GMIP: variants seen among roughly 807,000 people sequenced by gnomAD.
GMIP encodes the protein GEM interacting protein, also known as GEM-interacting protein.
A neutral mutation model predicts 105.3 loss-of-function variants in GMIP; 54 were observed. That is an observed-to-expected ratio of 0.51 (90% CI 0.41 to 0.64). The LOEUF is 0.64. GMIP is among the 30% of genes least tolerant of loss of function. The pLI is 0.00. For synonymous variants in GMIP, 541 were observed against 560.8 expected (o/e 0.96, Z 0.50); for missense variants, 1,110 against 1,319.4 (o/e 0.84, Z 2.46).
Position 19,630,254 on chromosome 19 carries a change from C to T in GMIP, c.2622G>A (p.Arg874=). The change falls in exon 21 of 21, where the codon CGG becomes CGA. Residue 874 remains arginine (R), a synonymous_variant. Coordinates refer to ENST00000203556, the MANE Select transcript of GMIP (RefSeq NM_016573.4). This position sits in a 1 kb window ranked among gnomAD's most constrained non-coding sequence, Gnocchi z 4.8. ...HFSRQPVKYP[R]GGVRPVTHQL... The stretch of plus-strand genomic sequence containing the variant: ...GGTGGGTTACAGGCCTCACACCGCC[C>T]CGGGGATACTTCACTGGCTGGCGGC... The T allele has an allele frequency of 1.9e-6, 3 of 1,566,838 alleles. No individual in the cohort carries two copies. The highest frequency in any genetic ancestry group is 2.6e-6 in the Non-Finnish European group (3 of 1,154,356).
chr19:19,631,778 G>A (rs927261594), intron 19 of GMIP, among the ~76,000 whole-genome samples: 4 of 148,756 alleles, frequency 2.7e-5, no homozygotes, highest in African/African-American at 1.0e-4. Flanking sequence ...ACAAGGTCAG[G>A]AGATCGAGAC....
Position 19,635,518 on chromosome 19 carries a change from G to T in GMIP, c.1457C>A (p.Thr486Lys). ...GTGGGTCTGAGCCGCGCTGGACAGTGTCCACTTCCCGAAGGGGCTGCCCAG... is the reference window on the plus strand; with the variant it reads ...GTGGGTCTGAGCCGCGCTGGACAGTTTCCACTTCCCGAAGGGGCTGCCCAG... Reference protein sequence around the residue: ...NGLGSPFGKWTLSSAAQTHQL... With the variant: ...NGLGSPFGKWKLSSAAQTHQL... Residue 486 changes from threonine to lysine, a missense_variant, in exon 15 of 21, where the codon ACA becomes AAA. Coordinates refer to ENST00000203556, the MANE Select transcript of GMIP (RefSeq NM_016573.4). The surrounding 1 kb of genome is among the most constrained non-coding windows in gnomAD (Gnocchi z 4.7). 6.2e-7 allele frequency: 1 copy of T among 1,613,326 alleles called. No homozygotes were observed. The highest frequency in any genetic ancestry group is 1.1e-5 in the South Asian group (1 of 91,068).
At position 19,637,621 on chromosome 19, in the gene GMIP, C is replaced by G; in HGVS notation, c.928-60G>C. Reference sequence around the variant, plus strand: ...GAGCCTGGGAGCCTGGGGGCAGGGCCAGAGCTGGGGCGGGGCTTGAGAGAC... The same window carrying G: ...GAGCCTGGGAGCCTGGGGGCAGGGCGAGAGCTGGGGCGGGGCTTGAGAGAC... On this transcript the variant is annotated intron_variant, in intron 10 of 20. Coordinates refer to ENST00000203556, the MANE Select transcript of GMIP (RefSeq NM_016573.4). This position sits in a 1 kb window ranked among gnomAD's most constrained non-coding sequence, Gnocchi z 6.7. 2 of 1,335,552 alleles carry G rather than the reference C, an allele frequency of 1.5e-6. No homozygotes were observed. Among genetic ancestry groups the G allele is most frequent in the Non-Finnish European group, 2.0e-6 (2 of 1,004,034 alleles). 82.7% of individuals were successfully genotyped at this position (1,335,552 alleles called of 1,614,324 possible). A position where few individuals can be genotyped will look rare whatever the true frequency, so the allele number is the denominator to read the frequency against.
chr19:19,638,744 C>T (rs998804217), intron 7 of GMIP, among the ~76,000 whole-genome samples: 4 of 151,760 alleles, frequency 2.6e-5, no homozygotes, highest in Admixed American at 1.3e-4. Flanking sequence ...CAGGCATGTG[C>T]ACTAGGCCTA....
Position 19,634,637 on chromosome 19 carries a change from C to T in GMIP, c.1954G>A (p.Ala652Thr). ...AFISLAKTLH[A>T]DPGDDPGTPS... ...GTCCCAGGGTCGTCCCCAGGGTCTG[C>T]ATGCAAGGTCTTAGCCAGAGAGATG... Residue 652 changes from alanine (A) to threonine (T), a missense_variant, in exon 18 of 21, where the codon GCA (alanine) becomes ACA (threonine). Physicochemically the swap from Ala to Thr is moderately conservative, Grantham distance 58. Transcript: ENST00000203556. The surrounding 1 kb of genome is among the most constrained non-coding windows in gnomAD (Gnocchi z 6.1). The T allele has an allele frequency of 6.2e-7, 1 of 1,613,322 alleles. No homozygotes were observed. Among genetic ancestry groups the T allele is most frequent in the East Asian group, 2.2e-5 (1 of 44,860 alleles).
Position 19,643,578 on chromosome 19 carries a change from G to T in GMIP, c.-49C>A. The T allele has an allele frequency of 6.7e-7, 1 of 1,495,066 alleles. No homozygotes were observed. Among genetic ancestry groups the T allele is most frequent in the Non-Finnish European group, 9.0e-7 (1 of 1,112,776 alleles). The allele number at this position is 1,495,066 out of a possible 1,614,324, so 92.6% of individuals were successfully genotyped here. Reference sequence around the variant, plus strand: ...CAGGGACCGGGATGGGGATGGGGTCGCGCGCCGGCGGGGCCGAGCCCCGAT... The same window carrying T: ...CAGGGACCGGGATGGGGATGGGGTCTCGCGCCGGCGGGGCCGAGCCCCGAT... On this transcript the variant is annotated 5_prime_UTR_variant, in exon 1 of 21. Coordinates refer to ENST00000203556, the MANE Select transcript of GMIP (RefSeq NM_016573.4).
Position 19,637,075 on chromosome 19 carries a change from T to G in GMIP, c.1125-46A>C. On this transcript the variant is annotated intron_variant, in intron 11 of 20. Transcript: ENST00000203556. The surrounding 1 kb of genome is among the most constrained non-coding windows in gnomAD (Gnocchi z 6.7). ...AGGTTTGAATCCCAGGAAACTGGCC[T>G]GGGGTGATGGCACCCAGGCATCATG... The G allele has an allele frequency of 3.9e-6, 5 of 1,282,068 alleles. No homozygotes were observed. The highest frequency in any genetic ancestry group is 5.5e-6 in the Non-Finnish European group (5 of 904,102). 79.4% of individuals were successfully genotyped at this position (1,282,068 alleles called of 1,614,324 possible).
At chr19:19,636,624 T>C in intron 13 of GMIP, 83 bp downstream of exon 13, 1 of 996,750 alleles carries the variant, frequency 1.0e-6, no homozygotes, top group South Asian at 1.3e-5. Flanking sequence ...CAAAGATAGT[T>C]AAAGATTGAG....
rs1252426574 is a variant in GMIP, at chr19:19,640,067, C to T, written c.537+18G>A. 2 of 1,424,726 alleles carry T rather than the reference C, an allele frequency of 1.4e-6. No homozygotes were observed. The highest frequency in any genetic ancestry group is 2.3e-5 in the East Asian group (1 of 43,942). The allele number at this position is 1,424,726 out of a possible 1,614,324, so 88.3% of individuals were successfully genotyped here. A position where few individuals can be genotyped will look rare whatever the true frequency, so the allele number is the denominator to read the frequency against. On this transcript the variant is annotated intron_variant, in intron 7 of 20. Transcript: ENST00000203556. The stretch of plus-strand genomic sequence containing the variant: ...ATAGCAGGGTGACCTCTGTAACATT[C>T]CACCCTGCCCCCCTCACCTGGTAGT...
chr19:19,641,732 G>T (rs2061921041), intron 4 of GMIP, 78 bp downstream of exon 4: 3 of 1,039,042 alleles, frequency 2.9e-6, no homozygotes, highest in Non-Finnish European at 4.4e-6. Flanking sequence ...GCCTTGCATG[G>T]AACAGGGGAT....
Position 19,638,281 on chromosome 19 carries a change from G to A in GMIP, c.667C>T (p.Arg223Cys), listed in dbSNP as rs756562548. Reference protein sequence around the residue: ...LRRAQLQYVQRSEDLRARSQG... With the variant: ...LRRAQLQYVQCSEDLRARSQG... ...GAGCGTGCCCGCAGGTCCTCGCTGC[G>A]TTGCACATACTGCAGCTGGGCGCGC... Residue 223 changes from arginine to cysteine, a missense_variant, in exon 9 of 21, where the codon CGC becomes TGC. Transcript: ENST00000203556. 3.7e-6 allele frequency: 6 copies of A among 1,610,450 alleles called. No homozygotes were observed. The highest frequency in any genetic ancestry group is 5.1e-6 in the Non-Finnish European group (6 of 1,179,916).
intron 19 of GMIP, among the ~76,000 whole-genome samples, chr19:19,633,059 CTTTTT>C (rs34310969): frequency 2.1e-5 from 3 of 139,942 alleles, no homozygotes; most frequent in Admixed American, 7.2e-5. Context: ...TCTTACTCCA[CTTTTT>C]TTTTTTTTTT....
In GMIP at chr19:19,637,427, G is replaced by T. The variant is rs1466305818; in HGVS notation, c.1062C>A (p.Pro354=). ...RYQEFVRALR[P]EAPPPPPPAF... is the part of the protein sequence containing the mutation. ...CGGGCGGCGGGGGCGGCGGGGCCTC[G>T]GGCCGCAGCGCCCGTACAAACTCCT... Residue 354 remains proline, a synonymous_variant, in exon 11 of 21, where the codon CCC becomes CCA. Coordinates refer to ENST00000203556, the MANE Select transcript of GMIP (RefSeq NM_016573.4). The surrounding 1 kb of genome is among the most constrained non-coding windows in gnomAD (Gnocchi z 6.7). 6.7e-7 allele frequency: 1 copy of T among 1,492,480 alleles called. No individual in the cohort carries two copies. Among genetic ancestry groups the T allele is most frequent in the Non-Finnish European group, 8.9e-7 (1 of 1,127,922 alleles). 92.5% of individuals were successfully genotyped at this position (1,492,480 alleles called of 1,614,324 possible).
chr19:19,635,527 C>T lies in GMIP; in HGVS notation c.1448G>A (p.Gly483Glu). The T allele has an allele frequency of 6.2e-7, 1 of 1,613,582 alleles. No individual in the cohort carries two copies. Among genetic ancestry groups the T allele is most frequent in the South Asian group, 1.1e-5 (1 of 91,072 alleles). ...GLENGLGSPF[G>E]KWTLSSAAQT... ...AGCCGCGCTGGACAGTGTCCACTTC[C>T]CGAAGGGGCTGCCCAGCCCATTCTC... is the stretch of plus-strand genomic sequence containing the variant. The change falls in exon 15 of 21, where the codon GGG becomes GAG. Residue 483 changes from glycine to glutamate, a missense_variant. This residue lies in a region of GMIP where 667 missense variants were observed against 773.2 expected (regional missense o/e 0.86). Coordinates refer to ENST00000203556, the MANE Select transcript of GMIP (RefSeq NM_016573.4). The surrounding 1 kb of genome is among the most constrained non-coding windows in gnomAD (Gnocchi z 4.7).
Position 19,635,493 on chromosome 19 carries a change from G to A in GMIP, c.1482C>T (p.His494=). 1 of 1,611,990 alleles carries A rather than the reference G, an allele frequency of 6.2e-7. No homozygotes were observed. The highest frequency in any genetic ancestry group is 8.5e-7 in the Non-Finnish European group (1 of 1,180,002). ...KWTLSSAAQT[H]QLRRLRGPAK... is the part of the protein sequence containing the mutation. ...CTGGGCCCCGCAGTCGCCGCAGCTGGTGGGTCTGAGCCGCGCTGGACAGTG... is the reference window on the plus strand; with the variant it reads ...CTGGGCCCCGCAGTCGCCGCAGCTGATGGGTCTGAGCCGCGCTGGACAGTG... The change falls in exon 15 of 21, where the codon CAC becomes CAT. Residue 494 remains histidine (H), a synonymous_variant. Coordinates refer to ENST00000203556, the MANE Select transcript of GMIP (RefSeq NM_016573.4). The surrounding 1 kb of genome is among the most constrained non-coding windows in gnomAD (Gnocchi z 4.7).
chr19:19,638,560 T>C, intron 7 of GMIP, 78 bp from the exon 8 acceptor site: 1 of 1,197,856 alleles, frequency 8.3e-7, no homozygotes, highest in Non-Finnish European at 1.2e-6. Context: ...CTTCCATTCC[T>C]GCGCCATGTG....
At chr19:19,632,209 G>A (rs186891231) in intron 19 of GMIP, among the ~76,000 whole-genome samples, 4 of 152,202 alleles carry the variant, frequency 2.6e-5, no homozygotes, top group East Asian at 1.9e-4. Context: ...CAGGAGAATC[G>A]CTTGAATCCA....
intron 7 of GMIP, 81 bp from the exon 8 acceptor site, chr19:19,638,563 G>A (rs1568417571): frequency 1.4e-5 from 17 of 1,186,024 alleles, no homozygotes; most frequent in African/African-American, 3.0e-5. Flanking sequence ...CCATTCCTGC[G>A]CCATGTGCTT....
Position 19,630,118 on chromosome 19 carries a change from G to A in GMIP, c.2758C>T (p.Pro920Ser). The A allele has an allele frequency of 6.2e-7, 1 of 1,608,256 alleles. No individual in the cohort carries two copies. Among genetic ancestry groups the A allele is most frequent in the East Asian group, 2.2e-5 (1 of 44,748 alleles). Reference sequence around the variant, plus strand: ...GTGCGGCGCAGGGGGCTGCCCTCAGGGGAGGCAGCTGCAGGGCTGGGCCCC... The same window carrying A: ...GTGCGGCGCAGGGGGCTGCCCTCAGAGGAGGCAGCTGCAGGGCTGGGCCCC... ...GRGPSPAAAS[P>S]EGSPLRRTPL... is the part of the protein sequence containing the mutation. The change falls in exon 21 of 21, where the codon CCT (proline) becomes TCT (serine). Residue 920 changes from proline (P) to serine (S), a missense_variant. Coordinates refer to ENST00000203556, the MANE Select transcript of GMIP (RefSeq NM_016573.4). The surrounding 1 kb of genome is among the most constrained non-coding windows in gnomAD (Gnocchi z 4.8).
Sources: gnomAD v4.1 joint callset for allele counts (sites outside exome capture counted in the v4.1 genomes callset) on GRCh38, gnomAD v4.1.1 for gene constraint, gnomAD v4.1.1 regional missense constraint, Gnocchi (gnomAD v3.1) non-coding constraint, MANE v1.5 for transcripts, NCBI Gene and HGNC (gene_info 2026-07-23, HGNC 2026-07-21) for gene names.